Variants in CELF2 observed in about 807,000 individuals in gnomAD.
CELF2 encodes CUG triplet repeat RNA-binding protein 2.
Under a neutral mutation model 62.6 loss-of-function variants are expected in CELF2, and 8 were observed. The observed-to-expected ratio is 0.13, with a 90% CI of 0.07 to 0.23. The LOEUF is 0.23. Among genes scored for constraint, CELF2 ranks in the 10% least tolerant of loss-of-function variants. The probability of loss-of-function intolerance (pLI) is 1.00; values close to 1 mark genes in which losing one functional copy is unlikely to be tolerated. For synonymous variants in CELF2, 258 were observed against 250.0 expected (o/e 1.03, Z -0.30); for missense variants, 333 against 671.0 (o/e 0.50, Z 5.56).
At chr10:10,466,204 C>T in the CELF2 span, among the ~76,000 whole-genome samples, 3 of 152,116 alleles carry the variant, frequency 2.0e-5, no homozygotes, top group African/African-American at 4.8e-5. Flanking sequence ...TCTTGTGTCA[C>T]TTTGACTCTT....
At chr10:10,494,761 G>T in the CELF2 span, among the ~76,000 whole-genome samples, 29 of 152,120 alleles carry the variant, frequency 1.9e-4, no homozygotes, top group African/African-American at 6.8e-4. Context: ...CACTATCAAA[G>T]GCCTCTATAA....
chr10:10,906,717 CTTTTTTTTTTTTT>C (rs397846553), intron 1 of CELF2, among the ~76,000 whole-genome samples: 1 of 109,284 alleles, frequency 9.2e-6, no homozygotes. Context: ...TTTTTCTTTT[CTTTTTTTTTTTTT>C]TTTTTTTGAA....
At chr10:11,079,105 T>C (rs2073103235) in intron 1 of CELF2, among the ~76,000 whole-genome samples, 1 of 152,132 alleles carries the variant, frequency 6.6e-6, no homozygotes. Flanking sequence ...CCCTACCCTC[T>C]CTGGAGTTTT....
intron 1 of CELF2, among the ~76,000 whole-genome samples, chr10:10,855,039 A>G (rs892002917): frequency 2.6e-5 from 4 of 152,108 alleles, no homozygotes; most frequent in Admixed American, 1.3e-4. Flanking sequence ...GGGGAACTTC[A>G]TCTTTGGGTC....
Position 11,328,351 on chromosome 10 carries a change from G to A in CELF2, c.1439-575G>A, listed in dbSNP as rs1033849318. On this transcript the variant is annotated intron_variant, in intron 12 of 12. Transcript: ENST00000633077. The surrounding 1 kb of genome is among the most constrained non-coding windows in gnomAD (Gnocchi z 6.4). ...GAGTGAGTTATTCTAGAGTTTATTC[G>A]CTAATTGACCCATCCTCCAGCTAAA... is the stretch of plus-strand genomic sequence containing the variant. Among the ~76,000 whole-genome samples the A allele has an allele frequency of 6.6e-6, 1 of 152,172 alleles. No individual in the cohort carries two copies. Among genetic ancestry groups the A allele is most frequent in the Non-Finnish European group, 1.5e-5 (1 of 68,028 alleles).
chr10:11,145,391 A>C lies in CELF2; in HGVS notation c.75-20095A>C, dbSNP rs936687123. On this transcript the variant is annotated intron_variant, in intron 1 of 12. Coordinates refer to ENST00000633077, the MANE Select transcript of CELF2 (RefSeq NM_001326342.2). The surrounding 1 kb of genome is among the most constrained non-coding windows in gnomAD (Gnocchi z 4.3). ...CTCTGAAAGGTGCTTTGTGCTGACCAAGCAAATAATAGCAGGTTGTATGCA... is the reference window on the plus strand; with the variant it reads ...CTCTGAAAGGTGCTTTGTGCTGACCCAGCAAATAATAGCAGGTTGTATGCA... 3.3e-5 allele frequency among the ~76,000 whole-genome samples: 5 copies of C among 152,242 alleles called. No individual in the cohort carries two copies. The highest frequency in any genetic ancestry group is 1.2e-4 in the African/African-American group (5 of 41,466).
chr10:10,514,898 C>T, the CELF2 span, among the ~76,000 whole-genome samples: 1 of 152,232 alleles, frequency 6.6e-6, no homozygotes, highest in African/African-American at 2.4e-5. Flanking sequence ...ATTATTGCTC[C>T]CAGATCAATC....
intron 2 of CELF2, among the ~76,000 whole-genome samples, chr10:11,213,396 T>C (rs749826092): frequency 2.3e-4 from 35 of 152,122 alleles, no homozygotes; most frequent in Non-Finnish European, 4.4e-4. Flanking sequence ...CGTGGGGAAA[T>C]CTAGGAGACA....
At chr10:11,029,439 G>A (rs762763777) in intron 1 of CELF2, among the ~76,000 whole-genome samples, 3 of 152,182 alleles carry the variant, frequency 2.0e-5, no homozygotes, top group Admixed American at 6.5e-5. Flanking sequence ...CTAAAGCCTC[G>A]GTGTGTGAAT....
chr10:10,630,105 C>T, the CELF2 span, among the ~76,000 whole-genome samples: 2 of 152,120 alleles, frequency 1.3e-5, no homozygotes, highest in Admixed American at 6.6e-5. Context: ...CAACCCATCG[C>T]CCACTTTCCC....
chr10:10,900,337 C>A (rs1386237286), intron 1 of CELF2, among the ~76,000 whole-genome samples: 1 of 152,074 alleles, frequency 6.6e-6, no homozygotes, highest in Non-Finnish European at 1.5e-5. Flanking sequence ...AAAATTTTAG[C>A]AAATTGAATC....
chr10:10,682,829 G>A, the CELF2 span, among the ~76,000 whole-genome samples: 12 of 152,092 alleles, frequency 7.9e-5, no homozygotes, highest in Admixed American at 2.0e-4. Context: ...CCCCCAAAAC[G>A]TCGGCTTCTT....
chr10:11,172,352 C>G (rs951732167), intron 2 of CELF2, among the ~76,000 whole-genome samples: 3 of 152,180 alleles, frequency 2.0e-5, no homozygotes, highest in African/African-American at 7.2e-5. Context: ...CTTGTCACAT[C>G]TTTGTGAAAG....
rs1000805124 is a variant in CELF2, at chr10:10,914,099, G to A, written c.54-5865G>A. On this transcript the variant is annotated intron_variant, in intron 1 of 13. Coordinates refer to the CELF2 transcript ENST00000636488. Reference sequence around the variant, plus strand: ...GAACATTAAATCATTTTTAGGACAGGCAATACAAATAAAATCTATTTTACC... The same window carrying A: ...GAACATTAAATCATTTTTAGGACAGACAATACAAATAAAATCTATTTTACC... Among the ~76,000 whole-genome samples the A allele has an allele frequency of 2.7e-5, 4 of 148,630 alleles. No individual in the cohort carries two copies. In the Admixed American group the frequency reaches 2.7e-4, roughly 10 times the overall value.
Position 11,328,900 on chromosome 10 carries a change from T to C in CELF2, c.1439-26T>C. ...TTTCTGCTGGGCTTCCTCTCCAGGC[T>C]GACTCCCTCTCTCGGTATTTTCCAG... On this transcript the variant is annotated intron_variant, in intron 12 of 12. Coordinates refer to ENST00000633077, the MANE Select transcript of CELF2 (RefSeq NM_001326342.2). The surrounding 1 kb of genome is among the most constrained non-coding windows in gnomAD (Gnocchi z 6.4). The C allele has an allele frequency of 6.3e-7, 1 of 1,598,964 alleles. No individual in the cohort carries two copies. Among genetic ancestry groups the C allele is most frequent in the Non-Finnish European group, 8.6e-7 (1 of 1,169,118 alleles).
chr10:10,906,905 G>A (rs2063395214), intron 1 of CELF2, among the ~76,000 whole-genome samples: 1 of 151,894 alleles, frequency 6.6e-6, no homozygotes, highest in Admixed American at 6.6e-5. Flanking sequence ...TTTTAGTAGA[G>A]ACGGGGTTTC....
chr10:11,052,843 C>G (rs2064226820), intron 1 of CELF2, among the ~76,000 whole-genome samples: 1 of 152,132 alleles, frequency 6.6e-6, no homozygotes, highest in South Asian at 2.1e-4. Flanking sequence ...GCACTGGAAC[C>G]AGTAAATCAT....
At chr10:10,792,235 G>T in the CELF2 span, 1 of 395,566 alleles carries the variant, frequency 2.5e-6, no homozygotes, top group Non-Finnish European at 4.5e-6. Context: ...TGTGTGCAGT[G>T]GTTACCACCT....
the CELF2 span, among the ~76,000 whole-genome samples, chr10:10,553,477 C>A: frequency 6.6e-6 from 1 of 152,200 alleles, no homozygotes; most frequent in East Asian, 1.9e-4. Context: ...TATCATTGCA[C>A]GGGGAGTTAG....
Sources: gnomAD v4.1 joint callset for allele counts (sites outside exome capture counted in the v4.1 genomes callset) on GRCh38, gnomAD v4.1.1 for gene constraint, Gnocchi (gnomAD v3.1) non-coding constraint, MANE v1.5 for transcripts, NCBI Gene and HGNC (gene_info 2026-07-23, HGNC 2026-07-21) for gene names.